Variants in ATN1 observed in about 807,000 individuals in gnomAD.
ATN1 encodes atrophin-1.
ATN1 carries 19 observed loss-of-function variants against 85.8 expected under a neutral mutation model. The observed-to-expected ratio is 0.22, with a 90% confidence interval of 0.15 to 0.32. ATN1 has a LOEUF of 0.32. Among genes scored for constraint, ATN1 ranks in the 10% least tolerant of loss-of-function variants. ATN1 has a pLI of 1.00. For synonymous variants in ATN1, 674 were observed against 657.0 expected (o/e 1.03, Z -0.39); for missense variants, 1,453 against 1,564.5 (o/e 0.93, Z 1.20).
Position 6,941,971 on chromosome 12 carries a change from G to T in ATN1, c.*191G>T. 1.6e-6 allele frequency: 1 copy of T among 613,032 alleles called. No homozygotes were observed. The highest frequency in any genetic ancestry group is 2.9e-6 in the Non-Finnish European group (1 of 344,370). 38.0% of individuals were successfully genotyped at this position (613,032 alleles called of 1,614,324 possible). ...GCCAAGGCCCGATGTGGTGTGCAGA[G>T]GTGGGGAGGTGGCGAGGATGGGGAC... On this transcript the variant is annotated 3_prime_UTR_variant, in exon 10 of 10. Coordinates refer to ENST00000396684, the MANE Select transcript of ATN1 (RefSeq NM_001940.4). This position sits in a 1 kb window ranked among gnomAD's most constrained non-coding sequence, Gnocchi z 5.9.
At position 6,935,532 on chromosome 12, in the gene ATN1, T is replaced by C. The variant is rs1555143433; in HGVS notation, c.280-15T>C. ...GAAAGGAAAAGAGAAAAAATGAGTCTTCCCTTTTCTACAGCAGGAACTCCC... is the reference window on the plus strand; with the variant it reads ...GAAAGGAAAAGAGAAAAAATGAGTCCTCCCTTTTCTACAGCAGGAACTCCC... On this transcript the variant is annotated splice_polypyrimidine_tract_variant and intron_variant, in intron 4 of 9. Coordinates refer to ENST00000396684, the MANE Select transcript of ATN1 (RefSeq NM_001940.4). The surrounding 1 kb of genome is among the most constrained non-coding windows in gnomAD (Gnocchi z 5.3). 1 of 1,601,468 alleles carries C rather than the reference T, an allele frequency of 6.2e-7. No homozygotes were observed. The highest frequency in any genetic ancestry group is 8.5e-7 in the Non-Finnish European group (1 of 1,172,202).
In ATN1 at chr12:6,933,888, A is replaced by T; in HGVS notation, c.-114A>T. On this transcript the variant is annotated 5_prime_UTR_variant, in exon 2 of 10. Transcript: ENST00000396684. ...AAAAGTTCCAGGTGCCCACACTGGA[A>T]ACTTGGAGATCCTGCTTCCCAGACC... The T allele has an allele frequency of 3.7e-6, 5 of 1,335,666 alleles. No individual in the cohort carries two copies. In the East Asian group the frequency reaches 1.3e-4, roughly 33 times the overall value. 82.7% of individuals were successfully genotyped at this position (1,335,666 alleles called of 1,614,324 possible).
rs898900286 is a variant in ATN1, at chr12:6,941,957, A to T, written c.*177A>T. ...GGGACAGACAGAAGGCCAAGGCCCGATGTGGTGTGCAGAGGTGGGGAGGTG... is the reference window on the plus strand; with the variant it reads ...GGGACAGACAGAAGGCCAAGGCCCGTTGTGGTGTGCAGAGGTGGGGAGGTG... On this transcript the variant is annotated 3_prime_UTR_variant, in exon 10 of 10. Transcript: ENST00000396684. This position sits in a 1 kb window ranked among gnomAD's most constrained non-coding sequence, Gnocchi z 5.9. 12 of 659,592 alleles carry T rather than the reference A, an allele frequency of 1.8e-5. No homozygotes were observed. Among genetic ancestry groups the T allele is most frequent in the Non-Finnish European group, 2.9e-5 (11 of 373,330 alleles). The allele number at this position is 659,592 out of a possible 1,614,324, so 40.9% of individuals were successfully genotyped here. A position where few individuals can be genotyped will look rare whatever the true frequency, so the allele number is the denominator to read the frequency against.
rs1427010992 is a variant in ATN1 at position 6,936,590 on chromosome 12, T to C, written c.1323T>C (p.Gly441=). Residue 441 remains glycine, a synonymous_variant, in exon 5 of 10, where the codon GGT becomes GGC. Coordinates refer to ENST00000396684, the MANE Select transcript of ATN1 (RefSeq NM_001940.4). The part of the protein sequence containing the change: ...SLPSQAVWSQ[G]PPPPPPYGRL... ...CATCCCAGGCTGTGTGGAGCCAGGG[T>C]CCCCCACCACCTCCTCCCTATGGCC... is the stretch of plus-strand genomic sequence containing the variant. 2 of 1,606,872 alleles carry C rather than the reference T, an allele frequency of 1.2e-6. No individual in the cohort carries two copies. The highest frequency in any genetic ancestry group is 3.4e-5 in the Admixed American group (2 of 59,334).
upstream of ATN1, among the ~76,000 whole-genome samples, chr12:6,925,137 TGTGTGA>T (rs1316096474): frequency 1.4e-5 from 2 of 147,520 alleles, no homozygotes; most frequent in African/African-American, 2.7e-5. Context: ...TGTGTGTGTG[TGTGTGA>T]GAGAGAGAGA....
chr12:6,938,427 G>A lies in ATN1; in HGVS notation c.2518-54G>A. The A allele has an allele frequency of 3.2e-6, 5 of 1,541,224 alleles. No individual in the cohort carries two copies. In the South Asian group the frequency reaches 4.9e-5, roughly 15 times the overall value. ...GAAACAAATGGGCAGCTTAAAACCA[G>A]CCACCTCTTTTCATAACTGCCGCTT... On this transcript the variant is annotated intron_variant, in intron 6 of 9. Coordinates refer to ENST00000396684, the MANE Select transcript of ATN1 (RefSeq NM_001940.4).
In ATN1 at chr12:6,940,983, C is replaced by A. The variant is rs370442635; in HGVS notation, c.3318C>A (p.His1106Gln). 27 of 1,614,114 alleles carry A rather than the reference C, an allele frequency of 1.7e-5. No homozygotes were observed. Among genetic ancestry groups the A allele is most frequent in the Non-Finnish European group, 2.0e-5 (24 of 1,180,052 alleles). Residue 1106 changes from histidine (H) to glutamine (Q), a missense_variant, in exon 8 of 10, where the codon CAC (histidine) becomes CAA (glutamine). Physicochemically the swap from His to Gln is conservative, Grantham distance 24. Around this residue, in one of 6 missense-constraint regions of ATN1, gnomAD observed 118 missense variants for 163.7 expected, o/e 0.72. Transcript: ENST00000396684. ...AGTLPNPLLP[H>Q]PLHENEVLRH... is the part of the protein sequence containing the mutation. The stretch of plus-strand genomic sequence containing the variant: ...CTCTCCCTAACCCCCTGCTTCCTCA[C>A]CCTCTGCACGAGAACGAAGTTCTTC...
At chr12:6,940,146 C>T (rs1945615269) in intron 7 of ATN1, among the ~76,000 whole-genome samples, 3 of 152,158 alleles carry the variant, frequency 2.0e-5, no homozygotes, top group African/African-American at 4.8e-5. Context: ...CGTGTGCCAC[C>T]AAGTACAGCT....
intron 6 of ATN1, 76 bp downstream of exon 6, chr12:6,938,143 C>T: frequency 6.8e-7 from 1 of 1,465,902 alleles, no homozygotes; most frequent in Non-Finnish European, 9.0e-7. Context: ...CTGCGCTACG[C>T]TACGCTGCGG....
chr12:6,939,225 C>T (rs1555144374), intron 7 of ATN1, 48 bp downstream of exon 7: 1 of 1,534,726 alleles, frequency 6.5e-7, no homozygotes, highest in Non-Finnish European at 8.7e-7. Context: ...CACCTTCCCC[C>T]TATCATGACT....
In ATN1 at chr12:6,934,262, C is replaced by G. The variant is rs782721099; in HGVS notation, c.114C>G (p.Val38=). Residue 38 remains valine, a synonymous_variant, in exon 3 of 10, where the codon GTC becomes GTG. Transcript: ENST00000396684. The surrounding 1 kb of genome is among the most constrained non-coding windows in gnomAD (Gnocchi z 4.5). The part of the protein sequence containing the change: ...RSRGRASPGG[V]STSSSDGKAE... The stretch of plus-strand genomic sequence containing the variant: ...GGGGCCGGGCCTCCCCTGGAGGGGT[C>G]AGCACGTCCAGCAGTGATGGCAAAG... The G allele has an allele frequency of 6.3e-7, 1 of 1,580,600 alleles. No individual in the cohort carries two copies.
In ATN1 at chr12:6,941,711, C is replaced by T; in HGVS notation, c.3540-36C>T. The T allele has an allele frequency of 6.2e-7, 1 of 1,612,326 alleles. No homozygotes were observed. Among genetic ancestry groups the T allele is most frequent in the Non-Finnish European group, 8.5e-7 (1 of 1,178,416 alleles). Reference sequence around the variant, plus strand: ...GGCAAGGTCAGAGTTGGTCTCAAGTCTCTTACCTCTCTGCTATGCACTGCC... The same window carrying T: ...GGCAAGGTCAGAGTTGGTCTCAAGTTTCTTACCTCTCTGCTATGCACTGCC... On this transcript the variant is annotated intron_variant, in intron 9 of 9. Transcript: ENST00000396684. The surrounding 1 kb of genome is among the most constrained non-coding windows in gnomAD (Gnocchi z 5.9).
intron 1 of ATN1, among the ~76,000 whole-genome samples, chr12:6,930,826 A>G (rs1416327680): frequency 6.6e-6 from 1 of 152,060 alleles, no homozygotes; most frequent in Non-Finnish European, 1.5e-5. Context: ...AAATAAATAA[A>G]TAAAATAAAG....
chr12:6,941,138 A>T lies in ATN1; in HGVS notation c.3358+115A>T. ...GGAGGGATGAGGAGGTGCCTAGAGG[A>T]GCTGGGCATGGGAATAGGAGAGCTG... is the stretch of plus-strand genomic sequence containing the variant. On this transcript the variant is annotated intron_variant, in intron 8 of 9. Transcript: ENST00000396684. The surrounding 1 kb of genome is among the most constrained non-coding windows in gnomAD (Gnocchi z 5.9). 1 of 1,367,648 alleles carries T rather than the reference A, an allele frequency of 7.3e-7. No homozygotes were observed. Among genetic ancestry groups the T allele is most frequent in the Non-Finnish European group, 9.9e-7 (1 of 1,005,354 alleles). 84.7% of individuals were successfully genotyped at this position (1,367,648 alleles called of 1,614,324 possible).
chr12:6,925,506 AG>A (rs1945391251), upstream of ATN1, among the ~76,000 whole-genome samples: 1 of 151,964 alleles, frequency 6.6e-6, no homozygotes. Flanking sequence ...AGCAAGAGGA[AG>A]GGAGTCGGGG....
rs782170559 is a variant in ATN1, at chr12:6,936,292, T to G, written c.1025T>G (p.Leu342Arg). 2 of 1,613,814 alleles carry G rather than the reference T, an allele frequency of 1.2e-6. No individual in the cohort carries two copies. Among genetic ancestry groups the G allele is most frequent in the Non-Finnish European group, 1.7e-6 (2 of 1,179,842 alleles). The part of the protein sequence containing the change: ...PHAMGQGMGG[L>R]PPGPEKGPTL... ...GCCATGGGACAGGGTATGGGTGGAC[T>G]TCCTCCTGGCCCAGAGAAGGGCCCA... Residue 342 changes from leucine to arginine, a missense_variant, in exon 5 of 10, where the codon CTT becomes CGT. By Grantham distance (102) the Leu-to-Arg change is moderately radical (BLOSUM62 -2). Around this residue, in one of 6 missense-constraint regions of ATN1, gnomAD observed 990 missense variants for 914.8 expected, o/e 1.08. Transcript: ENST00000396684.
rs782123733 is a variant in ATN1, at chr12:6,938,734, A to G, written c.2771A>G (p.Tyr924Cys). The G allele has an allele frequency of 1.4e-5, 23 of 1,614,004 alleles. No individual in the cohort carries two copies. In the South Asian group the frequency reaches 2.3e-4, roughly 16 times the overall value. Residue 924 changes from tyrosine (Y) to cysteine (C), a missense_variant, in exon 7 of 10, where the codon TAC becomes TGC. Tyr to Cys is a radical substitution (Grantham distance 194, BLOSUM62 -2). Around this residue, in one of 6 missense-constraint regions of ATN1, gnomAD observed 208 missense variants for 263.4 expected, o/e 0.79. Transcript: ENST00000396684. ...CTGGGTTACAATGTCCCGGCCCTGTACAGCAGTGATCCAGCTGCCCGGGAG... is the reference window on the plus strand; with the variant it reads ...CTGGGTTACAATGTCCCGGCCCTGTGCAGCAGTGATCCAGCTGCCCGGGAG... ...GLLGYNVPAL[Y>C]SSDPAARERE...
chr12:6,939,287 C>T (rs1271909962), intron 7 of ATN1, 110 bp downstream of exon 7: 3 of 1,409,942 alleles, frequency 2.1e-6, no homozygotes, highest in East Asian at 2.5e-5. Context: ...CTGGCATGAA[C>T]CTTTCCTGAG....
At position 6,942,296 on chromosome 12, in the gene ATN1, A is replaced by C. The variant is rs1325282992; in HGVS notation, c.*516A>C. Reference sequence around the variant, plus strand: ...CATCCCAACCAAAACCAACCAAACAAAAACATCCTCACAACTCCCCAGGAA... The same window carrying C: ...CATCCCAACCAAAACCAACCAAACACAAACATCCTCACAACTCCCCAGGAA... On this transcript the variant is annotated 3_prime_UTR_variant, in exon 10 of 10. Coordinates refer to ENST00000396684, the MANE Select transcript of ATN1 (RefSeq NM_001940.4). The C allele has an allele frequency of 1.3e-5, 2 of 153,870 alleles. No homozygotes were observed. Among genetic ancestry groups the C allele is most frequent in the Non-Finnish European group, 2.9e-5 (2 of 68,884 alleles). 9.5% of individuals were successfully genotyped at this position (153,870 alleles called of 1,614,324 possible).
Sources: allele counts gnomAD v4.1 joint callset (sites outside exome capture counted in the v4.1 genomes callset), GRCh38; gene constraint gnomAD v4.1.1; regional missense constraint gnomAD v4.1.1; non-coding constraint Gnocchi (gnomAD v3.1); transcripts MANE v1.5; gene names NCBI Gene and HGNC (gene_info 2026-07-23, HGNC 2026-07-21).